Variants in BORCS5 observed in about 807,000 individuals in gnomAD.
BORCS5 encodes the protein BLOC-1 related complex subunit 5, also known as BLOC-1-related complex subunit 5.
In BORCS5, 17 loss-of-function variants were observed where a neutral mutation model predicts 22.1. The ratio of observed to expected loss-of-function variants is 0.77; its 90% confidence interval spans 0.53 to 1.15. The LOEUF (loss-of-function observed/expected upper bound fraction) is 1.15, where lower values mean the gene tolerates loss of function less well. BORCS5 is among the 50% of genes most tolerant of loss of function. The pLI, the probability that BORCS5 is intolerant of heterozygous loss-of-function variation, is 0.00. For missense variants in BORCS5, 247 were observed against 253.2 expected (o/e 0.98, Z 0.17); for synonymous variants, 117 against 99.8 (o/e 1.17, Z -1.03).
At chr12:12,416,886 A>G (rs984176426) in intron 2 of BORCS5, among the ~76,000 whole-genome samples, 16 of 150,680 alleles carry the variant, frequency 1.1e-4, no homozygotes, top group African/African-American at 1.2e-4. Context: ...GGTTCAAGCA[A>G]TTCTCCTGCC....
intron 2 of BORCS5, among the ~76,000 whole-genome samples, chr12:12,368,281 G>GT (rs558666534): frequency 0.033 from 4,311 of 129,528 alleles, 230 homozygotes; most frequent in African/African-American, 0.11. Context: ...ATTCTGTTTT[G>GT]TTTTTTTTTT....
chr12:12,464,059 T>A (rs1324095405), intron 3 of BORCS5, among the ~76,000 whole-genome samples: 1 of 151,152 alleles, frequency 6.6e-6, no homozygotes, highest in Non-Finnish European at 1.5e-5. Flanking sequence ...AAGGCCACCC[T>A]GAAAAGGCCC....
chr12:12,359,057 T>C (rs7977450), intron 1 of BORCS5, among the ~76,000 whole-genome samples: 35,685 of 151,998 alleles, frequency 0.23, 5,467 homozygotes, highest in East Asian at 0.51. Flanking sequence ...TTCATTCTTG[T>C]CCCAGTCTGG....
Position 12,466,732 on chromosome 12 carries a change from T to A in BORCS5, c.*956T>A, listed in dbSNP as rs1455843687. On this transcript the variant is annotated 3_prime_UTR_variant, in exon 4 of 4. Transcript: ENST00000314565. ...AAGAGTGGAATGTGAGGAGCAGACC[T>A]AGGCAGACACCTTGAGACTAAAAGT... 1.3e-5 allele frequency: 2 copies of A among 152,338 alleles called. No homozygotes were observed. Among genetic ancestry groups the A allele is most frequent in the Non-Finnish European group, 2.9e-5 (2 of 68,178 alleles). The allele number at this position is 152,338 out of a possible 1,614,324, so 9.4% of individuals were successfully genotyped here. A position where few individuals can be genotyped will look rare whatever the true frequency, so the allele number is the denominator to read the frequency against.
At chr12:12,382,338 A>G (rs1371443179) in intron 2 of BORCS5, among the ~76,000 whole-genome samples, 1 of 150,920 alleles carries the variant, frequency 6.6e-6, no homozygotes, top group African/African-American at 2.4e-5. Flanking sequence ...CCCATAAACT[A>G]ATAGAGGGAG....
At chr12:12,419,111 G>A (rs1942047682) in intron 2 of BORCS5, among the ~76,000 whole-genome samples, 1 of 151,924 alleles carries the variant, frequency 6.6e-6, no homozygotes, top group African/African-American at 2.4e-5. Context: ...TTGATAAATA[G>A]GTATATATGT....
intron 3 of BORCS5, among the ~76,000 whole-genome samples, chr12:12,445,033 G>A (rs887495902): frequency 6.6e-6 from 1 of 152,114 alleles, no homozygotes; most frequent in Non-Finnish European, 1.5e-5. Context: ...TGCAGCCCAC[G>A]GCCGAACAAT....
intron 2 of BORCS5, among the ~76,000 whole-genome samples, chr12:12,431,481 C>T (rs1942424546): frequency 6.8e-6 from 1 of 146,214 alleles, no homozygotes; most frequent in South Asian, 2.1e-4. Flanking sequence ...CGGCTCACTG[C>T]AAGCTCCGCC....
chr12:12,404,753 C>T (rs905658056), intron 2 of BORCS5, among the ~76,000 whole-genome samples: 2 of 152,194 alleles, frequency 1.3e-5, no homozygotes, highest in Admixed American at 6.5e-5. Context: ...GGCTGGAATG[C>T]AGTGGCATCA....
intron 2 of BORCS5, among the ~76,000 whole-genome samples, chr12:12,380,908 T>C (rs1237125408): frequency 6.6e-6 from 1 of 151,350 alleles, no homozygotes; most frequent in Non-Finnish European, 1.5e-5. Context: ...TTAACTTATA[T>C]TGTATTATAA....
chr12:12,445,561 A>G (rs1592133592), intron 3 of BORCS5, among the ~76,000 whole-genome samples: 1 of 85,468 alleles, frequency 1.2e-5, no homozygotes, highest in Non-Finnish European at 2.1e-5. Context: ...TTTTAAACTG[A>G]TGGGTAGGCT....
chr12:12,366,851 G>A (rs886366504), intron 2 of BORCS5, among the ~76,000 whole-genome samples: 2 of 152,212 alleles, frequency 1.3e-5, no homozygotes, highest in Admixed American at 1.3e-4. Flanking sequence ...ATGCATGCAT[G>A]TGACATTCTT....
chr12:12,396,442 G>T (rs1941348674), intron 2 of BORCS5, among the ~76,000 whole-genome samples: 1 of 152,214 alleles, frequency 6.6e-6, no homozygotes, highest in Non-Finnish European at 1.5e-5. Context: ...CCCTGCGGAG[G>T]GTGGGGTGGG....
intron 2 of BORCS5, among the ~76,000 whole-genome samples, chr12:12,416,643 A>T (rs879673944): frequency 6.6e-6 from 1 of 151,746 alleles, no homozygotes; most frequent in African/African-American, 2.4e-5. Flanking sequence ...TATTTTTTTA[A>T]AGAGACAGAG....
intron 2 of BORCS5, among the ~76,000 whole-genome samples, chr12:12,376,433 C>T (rs551325370): frequency 2.6e-4 from 40 of 152,034 alleles, no homozygotes; most frequent in African/African-American, 9.2e-4. Flanking sequence ...GGGGGTTTCA[C>T]AGTGTTAGCC....
chr12:12,370,066 T>G (rs1212983583), intron 2 of BORCS5, among the ~76,000 whole-genome samples: 1 of 151,038 alleles, frequency 6.6e-6, no homozygotes, highest in Non-Finnish European at 1.5e-5. Context: ...ATATATTGCA[T>G]CTACATACGT....
intron 2 of BORCS5, among the ~76,000 whole-genome samples, chr12:12,364,375 C>CAAAAAAAAAAAA (rs555613644): frequency 1.0e-4 from 5 of 49,798 alleles, no homozygotes; most frequent in African/African-American, 2.0e-4. Flanking sequence ...GACTTGGTCT[C>CAAAAAAAAAAAA]AAAGAAAAAT....
At chr12:12,416,874 C>T (rs765042026) in intron 2 of BORCS5, among the ~76,000 whole-genome samples, 5 of 149,320 alleles carry the variant, frequency 3.3e-5, no homozygotes, top group African/African-American at 9.9e-5. Context: ...CTCTGCCTCT[C>T]GGGTTCAAGC....
At chr12:12,398,538 C>T (rs757911649) in intron 2 of BORCS5, among the ~76,000 whole-genome samples, 3 of 152,124 alleles carry the variant, frequency 2.0e-5, no homozygotes, top group Non-Finnish European at 4.4e-5. Flanking sequence ...TGTGCAGATC[C>T]CTGCGGAGGG....
Sources: allele counts gnomAD v4.1 joint callset (sites outside exome capture counted in the v4.1 genomes callset), GRCh38; gene constraint gnomAD v4.1.1; transcripts MANE v1.5; gene names NCBI Gene and HGNC (gene_info 2026-07-23, HGNC 2026-07-21).